The following BMP8B variants were observed in gnomAD, a reference collection of about 807,000 sequenced individuals.
BMP8B encodes bone morphogenetic protein 8b.
Under a neutral mutation model 30.3 loss-of-function variants are expected in BMP8B, and 17 were observed. That is an observed-to-expected ratio of 0.56 (90% CI 0.38 to 0.84). The LOEUF is 0.84. BMP8B is among the 40% of genes least tolerant of loss of function. The pLI, the probability that BMP8B is intolerant of heterozygous loss-of-function variation, is 0.00. For missense variants in BMP8B, 253 were observed against 494.6 expected (o/e 0.51, Z 4.63); for synonymous variants, 131 against 214.7 (o/e 0.61, Z 3.41).
At chr1:39,783,823 T>C (rs1371780377) in intron 1 of BMP8B, among the ~76,000 whole-genome samples, 1 of 152,232 alleles carries the variant, frequency 6.6e-6, no homozygotes, top group Non-Finnish European at 1.5e-5. Flanking sequence ...GGTGAGAACA[T>C]TGCTTGAGGC....
chr1:39,780,755 C>T (rs1650580968), intron 1 of BMP8B, among the ~76,000 whole-genome samples: 1 of 152,182 alleles, frequency 6.6e-6, no homozygotes, highest in Non-Finnish European at 1.5e-5. Flanking sequence ...ATTATCTGGG[C>T]ATGGTGGTAG....
At chr1:39,782,906 G>A (rs749933837) in intron 1 of BMP8B, among the ~76,000 whole-genome samples, 7 of 151,836 alleles carry the variant, frequency 4.6e-5, no homozygotes, top group African/African-American at 1.5e-4. Context: ...CAATTCTCTC[G>A]CCTCAGCCGC....
Position 39,775,115 on chromosome 1 carries a change from C to T in BMP8B, c.335-77G>A, listed in dbSNP as rs1022665500. The T allele has an allele frequency of 3.1e-5, 48 of 1,564,804 alleles. No individual in the cohort carries two copies. The Middle Eastern group carries it at 6.0e-4, about 20-fold the overall frequency. Reference sequence around the variant, plus strand: ...AGGGGGCAGAGCTGGTGTGAGCCACCGCCCCCAGCCACCCACCACTCAAGG... The same window carrying T: ...AGGGGGCAGAGCTGGTGTGAGCCACTGCCCCCAGCCACCCACCACTCAAGG... On this transcript the variant is annotated intron_variant, in intron 1 of 6. Coordinates refer to ENST00000372827, the MANE Select transcript of BMP8B (RefSeq NM_001720.5).
chr1:39,780,261 C>A (rs1349294934), intron 1 of BMP8B, among the ~76,000 whole-genome samples: 2 of 152,190 alleles, frequency 1.3e-5, no homozygotes, highest in Non-Finnish European at 2.9e-5. Context: ...CATGACAACA[C>A]TGTGGGGGAC....
rs541760241 is a variant in BMP8B, at chr1:39,757,877, A to G, written c.*2542T>C. On this transcript the variant is annotated 3_prime_UTR_variant, in exon 7 of 7. Coordinates refer to ENST00000372827, the MANE Select transcript of BMP8B (RefSeq NM_001720.5). ...TTCTATTTTATTTCATTTGGTGACT[A>G]TCTGGATGATAAAAGTTGCTGAAAG... The G allele has an allele frequency of 6.6e-6, 1 of 152,350 alleles. No individual in the cohort carries two copies. The highest frequency in any genetic ancestry group is 2.1e-4 in the South Asian group (1 of 4,828). The allele number at this position is 152,350 out of a possible 1,614,324, so 9.4% of individuals were successfully genotyped here.
intron 6 of BMP8B, among the ~76,000 whole-genome samples, chr1:39,761,659 T>G (rs577747193): frequency 5.9e-5 from 9 of 152,156 alleles, no homozygotes; most frequent in African/African-American, 2.2e-4. Flanking sequence ...CTGCTGGCCC[T>G]GAACCTGCCA....
rs1476950870 is a variant in BMP8B, at chr1:39,758,976, A to AGTGG, written c.*1442_*1443insCCAC. 9 of 152,270 alleles carry AGTGG rather than the reference A, an allele frequency of 5.9e-5. No homozygotes were observed. Among genetic ancestry groups the AGTGG allele is most frequent in the African/African-American group, 1.9e-4 (8 of 41,464 alleles). 9.4% of individuals were successfully genotyped at this position (152,270 alleles called of 1,614,324 possible). On this transcript the variant is annotated 3_prime_UTR_variant, in exon 7 of 7. Transcript: ENST00000372827. ...TCCAGAGAGGCGCATCCTTGGGCCC[A>AGTGG]TGGGGAGGTGGAACCACTCTGCCGG... is the stretch of plus-strand genomic sequence containing the variant.
chr1:39,777,032 C>T (rs568068319), intron 1 of BMP8B, among the ~76,000 whole-genome samples: 136 of 152,234 alleles, frequency 8.9e-4, no homozygotes, highest in African/African-American at 3.2e-3. Flanking sequence ...CTCCGTATGG[C>T]CTTTGAGAAA....
Position 39,761,008 on chromosome 1 carries a change from T to G in BMP8B, c.1060-440A>C, listed in dbSNP as rs533165850. ...CCCACACCCTGGCCTCCCTCCCCAG[T>G]CTCTGGGAGGCCAGGCCTCCGCCCC... is the stretch of plus-strand genomic sequence containing the variant. On this transcript the variant is annotated intron_variant, in intron 6 of 6. Transcript: ENST00000372827. 3.9e-5 allele frequency among the ~76,000 whole-genome samples: 6 copies of G among 152,088 alleles called. No homozygotes were observed. The South Asian group carries it at 8.3e-4, about 21-fold the overall frequency.
In BMP8B at chr1:39,788,402, C is replaced by T. The variant is rs570741479; in HGVS notation, c.84G>A (p.Pro28=). 3.0e-5 allele frequency: 32 copies of T among 1,078,678 alleles called. No homozygotes were observed. The South Asian group carries it at 5.2e-4, about 17-fold the overall frequency. The allele number at this position is 1,078,678 out of a possible 1,614,324, so 66.8% of individuals were successfully genotyped here. A position where few individuals can be genotyped will look rare whatever the true frequency, so the allele number is the denominator to read the frequency against. ...CCAGACGTCGCTGGGGACAGCCGGG[C>T]GGGGGTCGCAGGCCGGGGCCGCCCC... ...LGGGGPGLRP[P]PGCPQRRLGA... Residue 28 remains proline, a synonymous_variant, in exon 1 of 7, where the codon CCG becomes CCA. Coordinates refer to ENST00000372827, the MANE Select transcript of BMP8B (RefSeq NM_001720.5). The surrounding 1 kb of genome is among the most constrained non-coding windows in gnomAD (Gnocchi z 5.8).
chr1:39,783,695 G>C (rs1650805826), intron 1 of BMP8B, among the ~76,000 whole-genome samples: 1 of 152,208 alleles, frequency 6.6e-6, no homozygotes, highest in African/African-American at 2.4e-5. Flanking sequence ...ATCAGATGAG[G>C]CCAGGAGTTT....
chr1:39,785,669 C>A (rs1350770842), intron 1 of BMP8B, among the ~76,000 whole-genome samples: 1 of 151,928 alleles, frequency 6.6e-6, no homozygotes, highest in Non-Finnish European at 1.5e-5. Flanking sequence ...ACCACAGTGA[C>A]CCTGCTATTA....
chr1:39,782,210 C>T (rs983112504), intron 1 of BMP8B, among the ~76,000 whole-genome samples: 4 of 151,854 alleles, frequency 2.6e-5, no homozygotes, highest in East Asian at 1.9e-4. Context: ...TGTCAGCAGC[C>T]GGCACTCCAG....
At chr1:39,787,083 G>A (rs547139141) in intron 1 of BMP8B, among the ~76,000 whole-genome samples, 28 of 152,384 alleles carry the variant, frequency 1.8e-4, no homozygotes, top group African/African-American at 5.3e-4. Flanking sequence ...TGGCTCAGCA[G>A]CGTAGAGGCT....
chr1:39,777,515 C>T (rs2124478822), intron 1 of BMP8B, among the ~76,000 whole-genome samples: 1 of 152,358 alleles, frequency 6.6e-6, no homozygotes, highest in South Asian at 2.1e-4. Context: ...CCGCTGGCCA[C>T]ATCTGGGGCC....
chr1:39,788,630 G>T lies in BMP8B; in HGVS notation c.-145C>A, dbSNP rs1651180860. ...GGGCGGGGCGGGACGGGCGGCGACCGCGGCCTCAGCGCGGTCCCTGGAGCG... is the reference window on the plus strand; with the variant it reads ...GGGCGGGGCGGGACGGGCGGCGACCTCGGCCTCAGCGCGGTCCCTGGAGCG... On this transcript the variant is annotated 5_prime_UTR_variant, in exon 1 of 7. Transcript: ENST00000372827. This position sits in a 1 kb window ranked among gnomAD's most constrained non-coding sequence, Gnocchi z 5.8. 3.9e-6 allele frequency: 3 copies of T among 760,448 alleles called. No homozygotes were observed. The highest frequency in any genetic ancestry group is 4.8e-6 in the Non-Finnish European group (3 of 625,508). 47.1% of individuals were successfully genotyped at this position (760,448 alleles called of 1,614,324 possible).
At chr1:39,777,734 A>G (rs1410132781) in intron 1 of BMP8B, among the ~76,000 whole-genome samples, 1 of 151,506 alleles carries the variant, frequency 6.6e-6, no homozygotes, top group Non-Finnish European at 1.5e-5. Flanking sequence ...CCTGTGACCC[A>G]TCCCACCTCC....
intron 1 of BMP8B, among the ~76,000 whole-genome samples, chr1:39,776,560 G>C (rs1259971693): frequency 6.6e-6 from 1 of 152,186 alleles, no homozygotes; most frequent in Non-Finnish European, 1.5e-5. Flanking sequence ...TCCGGCCATG[G>C]GCAGGCGAAC....
intron 1 of BMP8B, among the ~76,000 whole-genome samples, chr1:39,780,205 G>A (rs1051174528): frequency 6.6e-6 from 1 of 152,214 alleles, no homozygotes; most frequent in Non-Finnish European, 1.5e-5. Context: ...AGAACTCTGT[G>A]CATCTCAGGA....
Sources: gnomAD v4.1 joint callset for allele counts (sites outside exome capture counted in the v4.1 genomes callset) on GRCh38, gnomAD v4.1.1 for gene constraint, Gnocchi (gnomAD v3.1) non-coding constraint, MANE v1.5 for transcripts, NCBI Gene and HGNC (gene_info 2026-07-23, HGNC 2026-07-21) for gene names.